The following ABHD3 variants were observed in gnomAD, a reference collection of about 807,000 sequenced individuals.
ABHD3 encodes the protein phospholipase ABHD3.
Under a neutral mutation model 48.8 loss-of-function variants are expected in ABHD3, and 46 were observed. That is an observed-to-expected ratio of 0.94 (90% confidence interval 0.74 to 1.20). The LOEUF (loss-of-function observed/expected upper bound fraction) is 1.20, where lower values mean the gene tolerates loss of function less well. ABHD3 is among the 50% of genes most tolerant of loss of function. ABHD3 has a pLI of 0.00. For synonymous variants in ABHD3, 192 were observed against 183.7 expected (o/e 1.04, Z -0.36); for missense variants, 490 against 497.8 (o/e 0.98, Z 0.15).
At chr18:21,660,590 CATT>C (rs1244183668) in intron 5 of ABHD3, among the ~76,000 whole-genome samples, 2 of 152,078 alleles carry the variant, frequency 1.3e-5, no homozygotes, top group African/African-American at 2.4e-5. Context: ...AATTGTTTCT[CATT>C]ATATTTTTTG....
At chr18:21,663,282 TA>T (rs973102035) in intron 5 of ABHD3, among the ~76,000 whole-genome samples, 6 of 152,154 alleles carry the variant, frequency 3.9e-5, no homozygotes, top group African/African-American at 1.4e-4. Context: ...CAAGATGTTC[TA>T]AAAACTGAAA....
intron 4 of ABHD3, among the ~76,000 whole-genome samples, chr18:21,676,266 T>C (rs1242739987): frequency 6.6e-6 from 1 of 152,234 alleles, no homozygotes; most frequent in East Asian, 1.9e-4. Flanking sequence ...AGGTAAATCA[T>C]TTACTCATTT....
intron 6 of ABHD3, among the ~76,000 whole-genome samples, chr18:21,657,429 T>TG (rs1425158010): frequency 1.3e-5 from 2 of 151,894 alleles, no homozygotes; most frequent in African/African-American, 4.8e-5. Flanking sequence ...ACCTTCAGCC[T>TG]GCTGGGCTTT....
intron 4 of ABHD3, among the ~76,000 whole-genome samples, chr18:21,669,013 A>G (rs2039698822): frequency 6.6e-6 from 1 of 152,094 alleles, no homozygotes; most frequent in Admixed American, 6.6e-5. Context: ...GCTTGAGCCC[A>G]GCAGTTGAGA....
chr18:21,672,916 A>C (rs1167226822), intron 4 of ABHD3, among the ~76,000 whole-genome samples: 1 of 152,200 alleles, frequency 6.6e-6, no homozygotes, highest in African/African-American at 2.4e-5. Context: ...AACTACCCAT[A>C]AAACAAAGGG....
intron 4 of ABHD3, among the ~76,000 whole-genome samples, chr18:21,666,766 G>A (rs1431564237): frequency 6.6e-6 from 1 of 152,176 alleles, no homozygotes; most frequent in African/African-American, 2.4e-5. Flanking sequence ...TGGTTTTCAT[G>A]TGAATGTCAT....
rs2039432717 is a variant in ABHD3, at chr18:21,659,398, C to T, written c.669-55G>A. ...GATTAATTTGTTGTATCACAGAAGA[C>T]ATCCATTTCTAACTACAGACTTTAT... On this transcript the variant is annotated intron_variant, in intron 5 of 8. Transcript: ENST00000289119. 7 of 1,523,770 alleles carry T rather than the reference C, an allele frequency of 4.6e-6. 1 individual carries two copies. In the Admixed American group the frequency reaches 6.1e-5, roughly 13 times the overall value. 94.4% of individuals were successfully genotyped at this position (1,523,770 alleles called of 1,614,324 possible). A position where few individuals can be genotyped will look rare whatever the true frequency, so the allele number is the denominator to read the frequency against.
chr18:21,694,104 T>TAA (rs1266192553), intron 3 of ABHD3, among the ~76,000 whole-genome samples: 3 of 151,800 alleles, frequency 2.0e-5, no homozygotes, highest in African/African-American at 7.3e-5. Context: ...CATTTTTTTT[T>TAA]AAAATTTATT....
chr18:21,684,066 G>C (rs373203665), intron 3 of ABHD3, 101 bp from the exon 4 acceptor site: 4 of 1,060,488 alleles, frequency 3.8e-6, no homozygotes, highest in Non-Finnish European at 5.4e-6. Flanking sequence ...AGCACTAAAA[G>C]ATTTTAAAAA....
intron 4 of ABHD3, chr18:21,683,361 A>G (rs981087934): frequency 1.3e-5 from 3 of 234,250 alleles, no homozygotes; most frequent in African/African-American, 7.1e-5. Context: ...AAAGGTTTCA[A>G]TAACATTCCC....
At chr18:21,698,906 C>A (rs751423781) in intron 3 of ABHD3, among the ~76,000 whole-genome samples, 1 of 151,690 alleles carries the variant, frequency 6.6e-6, no homozygotes, top group Non-Finnish European at 1.5e-5. Flanking sequence ...TAAAGACCCA[C>A]TTTGTGCAGG....
intron 4 of ABHD3, among the ~76,000 whole-genome samples, chr18:21,670,198 A>G (rs1226415708): frequency 6.6e-6 from 1 of 152,112 alleles, no homozygotes; most frequent in East Asian, 1.9e-4. Flanking sequence ...CAGTTCCAGC[A>G]GGCTCCGATG....
rs777657355 is a variant in ABHD3, at chr18:21,657,170, C to T, written c.843-18G>A. ...GTCGGTGCCTGGAACAAAAGAATTT[C>T]GGAAGTAAAAATCAAGATCATTCCT... On this transcript the variant is annotated intron_variant, in intron 6 of 8. Coordinates refer to ENST00000289119, the MANE Select transcript of ABHD3 (RefSeq NM_138340.5). 7.6e-5 allele frequency: 121 copies of T among 1,587,198 alleles called. 1 individual carries two copies. Among genetic ancestry groups the T allele is most frequent in the South Asian group, 6.0e-4 (52 of 86,964 alleles).
intron 4 of ABHD3, among the ~76,000 whole-genome samples, chr18:21,676,537 T>C (rs1023852889): frequency 1.3e-5 from 2 of 152,166 alleles, no homozygotes; most frequent in Non-Finnish European, 1.5e-5. Context: ...ATTACAGGCA[T>C]GCGCCACCAC....
intron 8 of ABHD3, chr18:21,654,942 A>G (rs1226301769): frequency 1.3e-5 from 2 of 152,254 alleles, no homozygotes. Context: ...TGAAATATAA[A>G]AACGGGTAGA....
In ABHD3 at chr18:21,671,790, AATTT is replaced by A. The variant is rs562107336; in HGVS notation, c.556-7564_556-7561del. Among the ~76,000 whole-genome samples the A allele has an allele frequency of 2.0e-3, 302 of 152,296 alleles. 2 individuals are homozygous for A. The highest frequency in any genetic ancestry group is 6.7e-3 in the African/African-American group (280 of 41,568). Reference sequence around the variant, plus strand: ...ACTATGATCAGAGAGCAATGACAGTAATTTATTTATTATCATTATTATTTTTTAT... The same window carrying A: ...ACTATGATCAGAGAGCAATGACAGTAATTTATTATCATTATTATTTTTTAT... On this transcript the variant is annotated intron_variant, in intron 4 of 8. Transcript: ENST00000289119.
At chr18:21,658,817 T>C (rs1444123218) in intron 6 of ABHD3, among the ~76,000 whole-genome samples, 1 of 152,020 alleles carries the variant, frequency 6.6e-6, no homozygotes, top group Non-Finnish European at 1.5e-5. Flanking sequence ...TGTTGGGGCA[T>C]GTAATCATTT....
chr18:21,685,049 C>G (rs2040101158), intron 3 of ABHD3, among the ~76,000 whole-genome samples: 1 of 152,206 alleles, frequency 6.6e-6, no homozygotes. Context: ...ATATGTAACT[C>G]TCATTTAACT....
intron 3 of ABHD3, among the ~76,000 whole-genome samples, chr18:21,688,405 CTGTTTACTAG>C (rs1382106671): frequency 6.6e-6 from 1 of 152,072 alleles, no homozygotes; most frequent in Non-Finnish European, 1.5e-5. Context: ...ACAACAGATA[CTGTTTACTAG>C]TGTTTACTAT....
Sources: allele counts gnomAD v4.1 joint callset (sites outside exome capture counted in the v4.1 genomes callset), GRCh38; gene constraint gnomAD v4.1.1; transcripts MANE v1.5; gene names NCBI Gene and HGNC (gene_info 2026-07-23, HGNC 2026-07-21).